UMAD1: variants seen among roughly 807,000 people sequenced by gnomAD.
The protein encoded by UMAD1 is UBAP1-MVB12-associated (UMA) domain containing 1, also known as UBAP1-MVB12-associated (UMA)-domain containing protein 1.
A neutral mutation model predicts 6.1 loss-of-function variants in UMAD1; 8 were observed. The ratio of observed to expected loss-of-function variants is 1.30; its 90% confidence interval spans 0.76 to 2.35. The LOEUF (loss-of-function observed/expected upper bound fraction) is 2.35. UMAD1 is among the 30% of genes most tolerant of loss of function. The pLI, the probability that UMAD1 is intolerant of heterozygous loss-of-function variation, is 0.00. For missense variants in UMAD1, 130 were observed against 78.4 expected, an observed-to-expected ratio of 1.66 and a Z score of -2.49; for synonymous variants, 56 against 31.4, an observed-to-expected ratio of 1.78 and a Z score of -2.61.
chr7:7,803,977 A>C (rs889969036), intron 3 of UMAD1, among the ~76,000 whole-genome samples: 1 of 152,230 alleles, frequency 6.6e-6, no homozygotes, highest in Admixed American at 6.5e-5. Flanking sequence ...TTCCAAGACT[A>C]ATTCTTAAGG....
intron 2 of UMAD1, among the ~76,000 whole-genome samples, chr7:7,704,378 G>C (rs1458858678): frequency 1.3e-5 from 2 of 151,856 alleles, no homozygotes; most frequent in African/African-American, 4.8e-5. Context: ...TATAACTGAC[G>C]TAAGAGTCCT....
chr7:7,836,933 G>T (rs764159098), intron 3 of UMAD1, among the ~76,000 whole-genome samples: 9 of 147,686 alleles, frequency 6.1e-5, no homozygotes, highest in Non-Finnish European at 1.1e-4. Flanking sequence ...AAAATTAGGA[G>T]CTAGGAATTT....
At chr7:7,642,989 T>C (rs956570581) in intron 1 of UMAD1, among the ~76,000 whole-genome samples, 3 of 152,236 alleles carry the variant, frequency 2.0e-5, no homozygotes, top group Non-Finnish European at 4.4e-5. Flanking sequence ...GATTCATCTA[T>C]GTTGACGAAT....
chr7:7,776,317 A>G (rs1013194857), intron 2 of UMAD1, among the ~76,000 whole-genome samples: 2 of 152,204 alleles, frequency 1.3e-5, no homozygotes, highest in Non-Finnish European at 2.9e-5. Context: ...AAAAATATGA[A>G]AATGCAATCA....
chr7:7,642,234 A>C (rs1374463374), intron 1 of UMAD1, among the ~76,000 whole-genome samples: 1 of 151,948 alleles, frequency 6.6e-6, no homozygotes, highest in Admixed American at 6.6e-5. Flanking sequence ...TCGTAGGCTT[A>C]AGCGATCCTC....
chr7:7,715,424 G>A (rs1322935595), intron 2 of UMAD1, among the ~76,000 whole-genome samples: 2 of 152,158 alleles, frequency 1.3e-5, no homozygotes, highest in Non-Finnish European at 1.5e-5. Flanking sequence ...ACCAAAGCTA[G>A]TTCCCTGATA....
intron 3 of UMAD1, among the ~76,000 whole-genome samples, chr7:7,869,570 C>T (rs1442405024): frequency 6.6e-6 from 1 of 152,122 alleles, no homozygotes; most frequent in Admixed American, 6.5e-5. Context: ...CAATATTTTG[C>T]TTTTATAGCA....
chr7:7,692,748 TACAGG>T (rs1435980700), intron 2 of UMAD1, among the ~76,000 whole-genome samples: 1 of 152,128 alleles, frequency 6.6e-6, no homozygotes, highest in East Asian at 1.9e-4. Context: ...TAGTTGGGAC[TACAGG>T]CCTGCGCCAC....
Position 7,855,464 on chromosome 7 carries a change from C to G in UMAD1, c.157-21817C>G, listed in dbSNP as rs534096592. On this transcript the variant is annotated intron_variant, in intron 3 of 3. Coordinates refer to ENST00000682710, the MANE Select transcript of UMAD1 (RefSeq NM_001302348.2). ...AAGACCAACACCACCTGGAAGCTGC[C>G]AAGGCTTGGGGCTTGCACCCTCTGA... Among the ~76,000 whole-genome samples, 19 of 152,336 alleles carry G rather than the reference C, an allele frequency of 1.2e-4. No homozygotes were observed. The South Asian group carries it at 3.9e-3, about 32-fold the overall frequency.
intron 1 of UMAD1, among the ~76,000 whole-genome samples, chr7:7,649,068 GAA>G (rs1420880748): frequency 6.9e-6 from 1 of 145,034 alleles, no homozygotes; most frequent in Non-Finnish European, 1.5e-5. Flanking sequence ...TGAGGCAGGA[GAA>G]TCGCTTGAAC....
chr7:7,815,102 A>T (rs930902543), intron 3 of UMAD1, among the ~76,000 whole-genome samples: 3 of 152,082 alleles, frequency 2.0e-5, no homozygotes, highest in African/African-American at 7.2e-5. Context: ...GTGCCTTTCT[A>T]ACTTAGAGAG....
intron 2 of UMAD1, among the ~76,000 whole-genome samples, chr7:7,777,498 T>A (rs1294108603): frequency 1.9e-5 from 2 of 106,082 alleles, no homozygotes; most frequent in East Asian, 5.3e-4. Context: ...AGTGTGAGAC[T>A]CCATCTCAAA....
rs186311577 is a variant in UMAD1 at position 7,713,629 on chromosome 7, G to C, written c.82+40176G>C. Reference sequence around the variant, plus strand: ...ATTATTTCCTTTTTCATTTTCTTTGGAGTTTATTTTGTTAGTTTCATTTTG... The same window carrying C: ...ATTATTTCCTTTTTCATTTTCTTTGCAGTTTATTTTGTTAGTTTCATTTTG... On this transcript the variant is annotated intron_variant, in intron 2 of 3. Coordinates refer to ENST00000682710, the MANE Select transcript of UMAD1 (RefSeq NM_001302348.2). Among the ~76,000 whole-genome samples the C allele has an allele frequency of 1.9e-3, 289 of 150,072 alleles. 3 individuals are homozygous for C. Among genetic ancestry groups the C allele is most frequent in the African/African-American group, 6.9e-3 (282 of 41,116 alleles).
At chr7:7,834,391 C>G (rs1454573660) in intron 3 of UMAD1, among the ~76,000 whole-genome samples, 5 of 152,146 alleles carry the variant, frequency 3.3e-5, no homozygotes, top group Admixed American at 3.3e-4. Flanking sequence ...ATTTCCCAGG[C>G]TTTTTATATT....
chr7:7,867,982 G>C (rs143258127), intron 3 of UMAD1, among the ~76,000 whole-genome samples: 1 of 151,958 alleles, frequency 6.6e-6, no homozygotes, highest in African/African-American at 2.4e-5. Context: ...ATCCTCACTC[G>C]GTGGTTGCTG....
chr7:7,859,009 A>C (rs1784068060), intron 3 of UMAD1, among the ~76,000 whole-genome samples: 1 of 152,210 alleles, frequency 6.6e-6, no homozygotes, highest in Non-Finnish European at 1.5e-5. Context: ...AATACCCCCC[A>C]GCAAACTGAG....
intron 3 of UMAD1, among the ~76,000 whole-genome samples, chr7:7,862,934 G>T (rs1784142782): frequency 6.6e-6 from 1 of 152,094 alleles, no homozygotes; most frequent in East Asian, 1.9e-4. Flanking sequence ...AGAAAATTAT[G>T]ATAATGTCTA....
chr7:7,655,133 A>G (rs1785311450), intron 1 of UMAD1, among the ~76,000 whole-genome samples: 1 of 152,152 alleles, frequency 6.6e-6, no homozygotes, highest in Non-Finnish European at 1.5e-5. Context: ...TTACATGCTA[A>G]TGATGAGTAG....
intron 2 of UMAD1, among the ~76,000 whole-genome samples, chr7:7,801,304 C>T (rs556834802): frequency 3.2e-4 from 49 of 152,296 alleles, no homozygotes; most frequent in African/African-American, 1.2e-3. Flanking sequence ...ACTTGGAGGA[C>T]AGTTATCCAT....
Sources: allele counts gnomAD v4.1 joint callset (sites outside exome capture counted in the v4.1 genomes callset), GRCh38; gene constraint gnomAD v4.1.1; transcripts MANE v1.5; gene names NCBI Gene and HGNC (gene_info 2026-07-23, HGNC 2026-07-21).